GRIP1: variants seen among roughly 807,000 people sequenced by gnomAD.
The protein encoded by GRIP1 is glutamate receptor interacting protein 1.
In GRIP1, 45 loss-of-function variants were observed where a neutral mutation model predicts 129.9. That is an observed-to-expected ratio of 0.35 (90% CI 0.27 to 0.44). GRIP1 has a LOEUF of 0.44. Ranked by LOEUF, GRIP1 falls within the 20% of genes least tolerant of loss-of-function variation. The probability of loss-of-function intolerance (pLI) is 1.00; values close to 1 mark genes in which losing one functional copy is unlikely to be tolerated. For missense variants in GRIP1, 1,196 were observed against 1,396.8 expected (o/e 0.86, Z 2.29); for synonymous variants, 530 against 520.8 (o/e 1.02, Z -0.24).
intron 1 of GRIP1, among the ~76,000 whole-genome samples, chr12:67,016,879 T>C (rs560352903): frequency 6.6e-6 from 1 of 152,314 alleles, no homozygotes; most frequent in Admixed American, 6.5e-5. Flanking sequence ...GGAACTGCAT[T>C]GCCTAGATGT....
At chr12:66,432,786 C>T (rs2058188639) in intron 13 of GRIP1, among the ~76,000 whole-genome samples, 158 bp from the exon 14 acceptor site, 1 of 152,042 alleles carries the variant, frequency 6.6e-6, no homozygotes, top group African/African-American at 2.4e-5. Flanking sequence ...GTAAATTAAG[C>T]TCCTGGTGAT....
At chr12:66,571,182 G>T (rs1397940640) in intron 2 of GRIP1, 1 of 152,128 alleles carries the variant, frequency 6.6e-6, no homozygotes, top group East Asian at 1.9e-4. Context: ...ACATGAAACT[G>T]TAAAACCAAT....
At chr12:66,509,107 G>T (rs973499524) in intron 7 of GRIP1, among the ~76,000 whole-genome samples, 1 of 152,126 alleles carries the variant, frequency 6.6e-6, no homozygotes, top group East Asian at 1.9e-4. Context: ...GTATTCCGAT[G>T]AACTTATAGA....
At chr12:66,969,135 T>C (rs1257412534) in intron 1 of GRIP1, among the ~76,000 whole-genome samples, 1 of 152,184 alleles carries the variant, frequency 6.6e-6, no homozygotes, top group Admixed American at 6.5e-5. Flanking sequence ...ACCCCAGGGC[T>C]TCTTTCAAGA....
chr12:66,443,190 G>A (rs190407772), intron 13 of GRIP1, among the ~76,000 whole-genome samples: 1 of 152,288 alleles, frequency 6.6e-6, no homozygotes, highest in Admixed American at 6.5e-5. Flanking sequence ...TTGGCTCCCT[G>A]GAGCCCTCTT....
intron 1 of GRIP1, among the ~76,000 whole-genome samples, chr12:66,995,020 G>A (rs1483171200): frequency 6.6e-6 from 1 of 151,978 alleles, no homozygotes; most frequent in East Asian, 1.9e-4. Flanking sequence ...GTAGAATTAT[G>A]AGTCCAGAAA....
intron 19 of GRIP1, among the ~76,000 whole-genome samples, chr12:66,386,667 A>G (rs77272918): frequency 0.014 from 2,057 of 152,256 alleles, 110 homozygotes; most frequent in Admixed American, 0.09. Context: ...ATAGAATTCA[A>G]TTTTCATCTC....
intron 1 of GRIP1, among the ~76,000 whole-genome samples, chr12:66,850,879 T>G (rs2039898968): frequency 6.6e-6 from 1 of 151,266 alleles, no homozygotes; most frequent in African/African-American, 2.4e-5. Flanking sequence ...TCTCCTCTTT[T>G]GGGCTTCTTG....
intron 1 of GRIP1, among the ~76,000 whole-genome samples, chr12:66,946,123 CCTTT>C (rs1475834436): frequency 2.0e-5 from 3 of 152,262 alleles, no homozygotes; most frequent in African/African-American, 7.2e-5. Context: ...TCTTAAAAGA[CCTTT>C]CTATTTCTTT....
chr12:66,619,722 C>A (rs2139956653), intron 1 of GRIP1, among the ~76,000 whole-genome samples: 1 of 152,208 alleles, frequency 6.6e-6, no homozygotes, highest in Non-Finnish European at 1.5e-5. Context: ...AATTATGAAG[C>A]AAAAACCTTC....
At chr12:66,537,159 T>A (rs953114460) in intron 4 of GRIP1, among the ~76,000 whole-genome samples, 1 of 152,164 alleles carries the variant, frequency 6.6e-6, no homozygotes, top group African/African-American at 2.4e-5. Context: ...ATTCTAAATG[T>A]TTTCCAAATA....
intron 1 of GRIP1, among the ~76,000 whole-genome samples, chr12:66,968,565 A>G (rs1290061881): frequency 6.6e-6 from 1 of 152,118 alleles, no homozygotes; most frequent in Admixed American, 6.6e-5. Context: ...TGCAATATGC[A>G]TTTTAAACTA....
intron 16 of GRIP1, among the ~76,000 whole-genome samples, chr12:66,399,734 A>C (rs1428754089): frequency 6.6e-6 from 1 of 151,956 alleles, no homozygotes; most frequent in Non-Finnish European, 1.5e-5. Context: ...TTGAATCCAT[A>C]ATGGTAGCTG....
At chr12:66,721,341 C>G (rs557929679) in intron 1 of GRIP1, among the ~76,000 whole-genome samples, 2 of 152,156 alleles carry the variant, frequency 1.3e-5, no homozygotes, top group East Asian at 1.9e-4. Flanking sequence ...GTGGCAGTAT[C>G]TCAGCTCACT....
chr12:66,664,344 TA>T (rs1375145455), intron 1 of GRIP1, among the ~76,000 whole-genome samples: 1 of 152,234 alleles, frequency 6.6e-6, no homozygotes, highest in Non-Finnish European at 1.5e-5. Context: ...GAAAGAGTTT[TA>T]AAAATAACTT....
At chr12:66,526,966 C>A (rs2139059393) in intron 5 of GRIP1, among the ~76,000 whole-genome samples, 1 of 136,876 alleles carries the variant, frequency 7.3e-6, no homozygotes, top group East Asian at 2.0e-4. Context: ...CAAATCAAAA[C>A]CAGAAGGAGA....
chr12:67,039,180 A>G (rs1251823269), intron 1 of GRIP1, among the ~76,000 whole-genome samples: 2 of 152,170 alleles, frequency 1.3e-5, no homozygotes, highest in African/African-American at 4.8e-5. Context: ...GGAATATTAT[A>G]TTTTTGACTA....
chr12:66,554,178 G>GAAGAGTA (rs1228789929), intron 2 of GRIP1, among the ~76,000 whole-genome samples: 2 of 152,168 alleles, frequency 1.3e-5, no homozygotes, highest in Non-Finnish European at 2.9e-5. Flanking sequence ...AGAGAAGAGG[G>GAAGAGTA]AAGAGTAAAG....
intron 1 of GRIP1, among the ~76,000 whole-genome samples, chr12:67,010,025 C>G (rs895002722): frequency 3.9e-5 from 6 of 152,032 alleles, no homozygotes; most frequent in Non-Finnish European, 7.4e-5. Flanking sequence ...AACCACTATC[C>G]TAAGAGGGTG....
Sources: allele counts gnomAD v4.1 joint callset (sites outside exome capture counted in the v4.1 genomes callset), GRCh38; gene constraint gnomAD v4.1.1; transcripts MANE v1.5; gene names NCBI Gene and HGNC (gene_info 2026-07-23, HGNC 2026-07-21).